Variants in TRABD observed in about 807,000 individuals in gnomAD.
TRABD encodes TraB domain containing, also known as traB domain-containing protein.
TRABD carries 23 observed loss-of-function variants against 39.6 expected under a neutral mutation model. The ratio of observed to expected loss-of-function variants is 0.58; its 90% CI spans 0.42 to 0.82. The LOEUF (loss-of-function observed/expected upper bound fraction) is 0.82. TRABD is among the 40% of genes least tolerant of loss of function. The pLI is 0.00. For synonymous variants in TRABD, 243 were observed against 232.1 expected, an observed-to-expected ratio of 1.05 and a Z score of -0.43; for missense variants, 487 against 544.9, an observed-to-expected ratio of 0.89 and a Z score of 1.06.
intron 1 of TRABD, among the ~76,000 whole-genome samples, chr22:50,189,885 T>C (rs1348631782): frequency 4.6e-5 from 7 of 152,202 alleles, no homozygotes; most frequent in Admixed American, 3.3e-4. Context: ...TCTTCAGACA[T>C]TGTCTCTGAA....
At position 50,199,357 on chromosome 22, in the gene TRABD, T is replaced by G. The variant is rs2064244036; in HGVS notation, c.*838T>G. On this transcript the variant is annotated 3_prime_UTR_variant, in exon 10 of 10. Coordinates refer to ENST00000380909, the MANE Select transcript of TRABD (RefSeq NM_001320485.2). ...TGTGGAAGGCCAAGGACATGGGCTG[T>G]GGCCAGGCCTGTCCCGCTCAGGCCC... 1 of 495,438 alleles carries G rather than the reference T, an allele frequency of 2.0e-6. No individual in the cohort carries two copies. Among genetic ancestry groups the G allele is most frequent in the African/African-American group, 2.0e-5 (1 of 50,802 alleles). The allele number at this position is 495,438 out of a possible 1,614,324, so 30.7% of individuals were successfully genotyped here. A position where few individuals can be genotyped will look rare whatever the true frequency, so the allele number is the denominator to read the frequency against.
At chr22:50,195,210 G>A (rs2064057414) in intron 5 of TRABD, among the ~76,000 whole-genome samples, 170 bp downstream of exon 5, 1 of 152,206 alleles carries the variant, frequency 6.6e-6, no homozygotes, top group Non-Finnish European at 1.5e-5. Context: ...AAATGAAAGA[G>A]GCTCCATTAC....
rs748105498 is a variant in TRABD, at chr22:50,198,228, C to G, written c.956+42C>G. The G allele has an allele frequency of 1.3e-6, 2 of 1,568,358 alleles. No individual in the cohort carries two copies. The highest frequency in any genetic ancestry group is 1.7e-6 in the Non-Finnish European group (2 of 1,152,426). On this transcript the variant is annotated intron_variant, in intron 9 of 9. Coordinates refer to ENST00000380909, the MANE Select transcript of TRABD (RefSeq NM_001320485.2). This position sits in a 1 kb window ranked among gnomAD's most constrained non-coding sequence, Gnocchi z 7.9. ...CCCTGCAAGCCCCACCCCACAAGCCCCCAGGTGGAGGCTGAGCGCCCTGGA... is the reference window on the plus strand; with the variant it reads ...CCCTGCAAGCCCCACCCCACAAGCCGCCAGGTGGAGGCTGAGCGCCCTGGA...
chr22:50,188,642 C>T (rs567295166), intron 1 of TRABD, among the ~76,000 whole-genome samples: 1 of 152,326 alleles, frequency 6.6e-6, no homozygotes, highest in South Asian at 2.1e-4. Flanking sequence ...AACCTGATCA[C>T]CTCCTGGAGG....
intron 4 of TRABD, 95 bp downstream of exon 4, chr22:50,194,601 G>C (rs560947820): frequency 1.3e-6 from 2 of 1,515,250 alleles, no homozygotes; most frequent in Non-Finnish European, 1.8e-6. Context: ...GTGTGCCCGT[G>C]TGTGCGCACC....
Position 50,194,426 on chromosome 22 carries a change from T to C in TRABD, c.199T>C (p.Leu67=), listed in dbSNP as rs1569084942. ...RPNLPRTVTQ[L]VAEDGSRVYV... Reference sequence around the variant, plus strand: ...CAACCTGCCGCGCACTGTGACCCAGTTGGTGGCTGAGGACGGGAGCAGGGT... The same window carrying C: ...CAACCTGCCGCGCACTGTGACCCAGCTGGTGGCTGAGGACGGGAGCAGGGT... The change falls in exon 4 of 10, where the codon TTG becomes CTG. Residue 67 remains leucine (L), a synonymous_variant. Coordinates refer to ENST00000380909, the MANE Select transcript of TRABD (RefSeq NM_001320485.2). 2 of 1,612,790 alleles carry C rather than the reference T, an allele frequency of 1.2e-6. No homozygotes were observed. The highest frequency in any genetic ancestry group is 4.5e-5 in the East Asian group (2 of 44,830).
intron 5 of TRABD, 133 bp downstream of exon 5, chr22:50,195,173 G>A: frequency 8.3e-7 from 1 of 1,211,722 alleles, no homozygotes; most frequent in Non-Finnish European, 1.1e-6. Flanking sequence ...GGGATTGCCG[G>A]GTTAGGGACC....
In TRABD at chr22:50,185,962, C is replaced by T. The variant is rs1435835651; in HGVS notation, c.-49C>T. 1.3e-5 allele frequency: 2 copies of T among 148,574 alleles called. No individual in the cohort carries two copies. Among genetic ancestry groups the T allele is most frequent in the Non-Finnish European group, 3.0e-5 (2 of 66,512 alleles). The allele number at this position is 148,574 out of a possible 1,614,324, so 9.2% of individuals were successfully genotyped here. A position where few individuals can be genotyped will look rare whatever the true frequency, so the allele number is the denominator to read the frequency against. On this transcript the variant is annotated 5_prime_UTR_variant, in exon 1 of 10. Coordinates refer to ENST00000380909, the MANE Select transcript of TRABD (RefSeq NM_001320485.2). The stretch of plus-strand genomic sequence containing the variant: ...CGCATGGAGGCCGGCTGAGGAGCGC[C>T]GCTGCCTCGCCTCGGTACGCCGCGC...
Position 50,198,535 on chromosome 22 carries a change from C to T in TRABD, c.*16C>T, listed in dbSNP as rs1421960713. ...GCACAAGTAGGAGACTGCTCCCCGC[C>T]CGCTCGGGCCCCTGAGGAGCCAGTG... On this transcript the variant is annotated 3_prime_UTR_variant, in exon 10 of 10. Coordinates refer to ENST00000380909, the MANE Select transcript of TRABD (RefSeq NM_001320485.2). The surrounding 1 kb of genome is among the most constrained non-coding windows in gnomAD (Gnocchi z 7.9). 6.6e-7 allele frequency: 1 copy of T among 1,510,810 alleles called. No homozygotes were observed. The highest frequency in any genetic ancestry group is 2.3e-5 in the East Asian group (1 of 42,554). 93.6% of individuals were successfully genotyped at this position (1,510,810 alleles called of 1,614,324 possible).
intron 2 of TRABD, 117 bp from the exon 3 acceptor site, chr22:50,193,459 T>C: frequency 1.0e-6 from 1 of 972,020 alleles, no homozygotes; most frequent in Middle Eastern, 2.1e-4. Flanking sequence ...TCAGGGTGTG[T>C]GGTCCACACA....
chr22:50,193,792 C>A, intron 3 of TRABD, 138 bp downstream of exon 3: 2 of 774,554 alleles, frequency 2.6e-6, no homozygotes, highest in South Asian at 1.7e-5. Context: ...GAGGTAGGTG[C>A]TGCTAGGCCT....
At chr22:50,188,170 C>T (rs533754193) in intron 1 of TRABD, among the ~76,000 whole-genome samples, 1 of 152,064 alleles carries the variant, frequency 6.6e-6, no homozygotes, top group South Asian at 2.1e-4. Flanking sequence ...ATCCCAGCTA[C>T]TCGGGAGGCT....
In TRABD at chr22:50,195,043, G is replaced by A. The variant is rs1213041369; in HGVS notation, c.420+3G>A. On this transcript the variant is annotated splice_donor_region_variant and intron_variant, in intron 5 of 9. Coordinates refer to ENST00000380909, the MANE Select transcript of TRABD (RefSeq NM_001320485.2). ...AGCTGCAGCAGGCCGTGAGGCAGGT[G>A]CGCAGCCGCGGGCAAGGGTCAGGGT... 6.3e-7 allele frequency: 1 copy of A among 1,582,488 alleles called. No individual in the cohort carries two copies. Among genetic ancestry groups the A allele is most frequent in the Non-Finnish European group, 8.5e-7 (1 of 1,169,958 alleles).
Position 50,199,363 on chromosome 22 carries a change from G to C in TRABD, c.*844G>C, listed in dbSNP as rs2064244182. 2.2e-6 allele frequency: 1 copy of C among 458,532 alleles called. No homozygotes were observed. Among genetic ancestry groups the C allele is most frequent in the Non-Finnish European group, 3.9e-6 (1 of 254,558 alleles). The allele number at this position is 458,532 out of a possible 1,614,324, so 28.4% of individuals were successfully genotyped here. On this transcript the variant is annotated 3_prime_UTR_variant, in exon 10 of 10. Transcript: ENST00000380909. ...AGGCCAAGGACATGGGCTGTGGCCAGGCCTGTCCCGCTCAGGCCCCCTGCC... is the reference window on the plus strand; with the variant it reads ...AGGCCAAGGACATGGGCTGTGGCCACGCCTGTCCCGCTCAGGCCCCCTGCC...
At chr22:50,193,267 G>C (rs1242761885) in intron 2 of TRABD, among the ~76,000 whole-genome samples, 174 bp downstream of exon 2, 1 of 152,224 alleles carries the variant, frequency 6.6e-6, no homozygotes, top group Non-Finnish European at 1.5e-5. Flanking sequence ...GAGGTGGCCT[G>C]GTGGCCCTGT....
At chr22:50,192,490 G>A (rs1332040288) in intron 1 of TRABD, 1 of 153,020 alleles carries the variant, frequency 6.5e-6, no homozygotes, top group African/African-American at 2.4e-5. Context: ...CTTAAAGTGG[G>A]AGAGAAGGTC....
Position 50,195,054 on chromosome 22 carries a change from G to C in TRABD, c.420+14G>C, listed in dbSNP as rs1312805592. On this transcript the variant is annotated intron_variant, in intron 5 of 9. Coordinates refer to ENST00000380909, the MANE Select transcript of TRABD (RefSeq NM_001320485.2). The stretch of plus-strand genomic sequence containing the variant: ...GCCGTGAGGCAGGTGCGCAGCCGCG[G>C]GCAAGGGTCAGGGTCAGGGTCGGGG... The C allele has an allele frequency of 1.3e-6, 2 of 1,569,780 alleles. No individual in the cohort carries two copies.
chr22:50,189,615 A>G (rs1191928022), intron 1 of TRABD, among the ~76,000 whole-genome samples: 1 of 152,248 alleles, frequency 6.6e-6, no homozygotes. Context: ...AGGGGCAGCC[A>G]GGGTCTGCTG....
In TRABD at chr22:50,189,701, C is replaced by T. The variant is rs547898695; in HGVS notation, c.-34-3326C>T. On this transcript the variant is annotated intron_variant, in intron 1 of 9. Coordinates refer to ENST00000380909, the MANE Select transcript of TRABD (RefSeq NM_001320485.2). Reference sequence around the variant, plus strand: ...GTGGCTGCAGCGTGCGCTGGCCGGACCCCAGGTGATGCTCTGCTGGGACCC... The same window carrying T: ...GTGGCTGCAGCGTGCGCTGGCCGGATCCCAGGTGATGCTCTGCTGGGACCC... Among the ~76,000 whole-genome samples the T allele has an allele frequency of 2.0e-5, 3 of 151,176 alleles. No homozygotes were observed. In the South Asian group the frequency reaches 6.3e-4, roughly 32 times the overall value.
Sources: gnomAD v4.1 joint callset for allele counts (sites outside exome capture counted in the v4.1 genomes callset) on GRCh38, gnomAD v4.1.1 for gene constraint, Gnocchi (gnomAD v3.1) non-coding constraint, MANE v1.5 for transcripts, NCBI Gene and HGNC (gene_info 2026-07-23, HGNC 2026-07-21) for gene names.